The following COL27A1 variants were observed in gnomAD, a reference collection of about 807,000 sequenced individuals.
COL27A1 encodes the protein collagen alpha-1(XXVII) chain.
COL27A1 carries 106 observed loss-of-function variants against 251.3 expected under a neutral mutation model. The ratio of observed to expected loss-of-function variants is 0.42; its 90% CI spans 0.36 to 0.50. COL27A1 has a LOEUF of 0.50. Among genes scored for constraint, COL27A1 ranks in the 20% least tolerant of loss-of-function variants. The pLI is 0.00. For synonymous variants in COL27A1, 1,000 were observed against 986.3 expected, an observed-to-expected ratio of 1.01 and a Z score of -0.26; for missense variants, 2,325 against 2,522.8, an observed-to-expected ratio of 0.92 and a Z score of 1.68.
At chr9:114,167,660 C>A (rs775586585) in intron 2 of COL27A1, 29 bp from the exon 3 acceptor site, 3 of 1,573,716 alleles carry the variant, frequency 1.9e-6, no homozygotes, top group South Asian at 1.2e-5. Flanking sequence ...GCCCTGACTG[C>A]GTCCTCTCCC....
intron 3 of COL27A1, among the ~76,000 whole-genome samples, chr9:114,175,127 C>T (rs1827311508): frequency 3.3e-5 from 1 of 30,130 alleles, no homozygotes. Context: ...TGTCAGAGGC[C>T]AGGACCCTTG....
At chr9:114,171,121 G>A (rs1328262282) in intron 3 of COL27A1, among the ~76,000 whole-genome samples, 1 of 152,206 alleles carries the variant, frequency 6.6e-6, no homozygotes, top group Admixed American at 6.5e-5. Context: ...GGGTCAGCAG[G>A]AAGCGAGGCC....
chr9:114,252,685 G>A, intron 26 of COL27A1, 39 bp downstream of exon 26: 1 of 1,584,450 alleles, frequency 6.3e-7, no homozygotes, highest in Non-Finnish European at 8.7e-7. Context: ...CTCTCCTGTT[G>A]CAGCCTTGAG....
At chr9:114,167,664 C>A in intron 2 of COL27A1, 25 bp from the exon 3 acceptor site, 1 of 1,585,208 alleles carries the variant, frequency 6.3e-7, no homozygotes. Flanking sequence ...TGACTGCGTC[C>A]TCTCCCCTTT....
At position 114,290,837 on chromosome 9, in the gene COL27A1, G is replaced by A; in HGVS notation, c.4396G>A (p.Gly1466Ser). Reference sequence around the variant, plus strand: ...GGAGCAGGGAGACGATGGGGACCCTGGCCCCATGGGCCCTGCTGGGAAGAG... The same window carrying A: ...GGAGCAGGGAGACGATGGGGACCCTAGCCCCATGGGCCCTGCTGGGAAGAG... Reference protein sequence around the residue: ...QGEQGDDGDPGPMGPAGKRGN... With the variant: ...QGEQGDDGDPSPMGPAGKRGN... Residue 1466 changes from glycine to serine, a missense_variant, in exon 48 of 61, where the codon GGC (glycine) becomes AGC (serine). Transcript: ENST00000356083. The surrounding 1 kb of genome is among the most constrained non-coding windows in gnomAD (Gnocchi z 4.6). The A allele has an allele frequency of 6.4e-7, 1 of 1,551,260 alleles. No individual in the cohort carries two copies. Among genetic ancestry groups the A allele is most frequent in the Non-Finnish European group, 8.7e-7 (1 of 1,146,818 alleles).
At chr9:114,206,524 C>T (rs1182592283) in intron 10 of COL27A1, among the ~76,000 whole-genome samples, 2 of 152,240 alleles carry the variant, frequency 1.3e-5, no homozygotes, top group African/African-American at 2.4e-5. Flanking sequence ...AAAGACTCTG[C>T]TGGGGGTTTG....
intron 10 of COL27A1, among the ~76,000 whole-genome samples, chr9:114,208,267 G>A (rs752530782): frequency 6.2e-4 from 94 of 152,206 alleles, no homozygotes; most frequent in African/African-American, 1.6e-3. Flanking sequence ...GCGAAACCCC[G>A]TCTCTACTAA....
chr9:114,201,791 C>T (rs1017487509), intron 7 of COL27A1, among the ~76,000 whole-genome samples: 32 of 152,308 alleles, frequency 2.1e-4, no homozygotes, highest in African/African-American at 7.2e-4. Flanking sequence ...TGATGTGAAG[C>T]TTTCATCCCA....
chr9:114,178,208 G>A, intron 3 of COL27A1, 83 bp from the exon 4 acceptor site: 1 of 1,163,410 alleles, frequency 8.6e-7, no homozygotes, highest in Non-Finnish European at 1.3e-6. Flanking sequence ...ACAGCTGCAG[G>A]CGGGATTGTT....
chr9:114,256,810 G>T (rs1277145536), intron 27 of COL27A1, among the ~76,000 whole-genome samples: 2 of 152,178 alleles, frequency 1.3e-5, no homozygotes, highest in East Asian at 1.9e-4. Context: ...TGTGAGCCCG[G>T]GTTCTCCAGT....
At chr9:114,280,662 A>G (rs563043800) in intron 37 of COL27A1, among the ~76,000 whole-genome samples, 1 of 152,350 alleles carries the variant, frequency 6.6e-6, no homozygotes, top group African/African-American at 2.4e-5. Context: ...GAGAAAGAGC[A>G]GGATTTGTCC....
At chr9:114,226,786 G>A (rs1564492618) in intron 14 of COL27A1, among the ~76,000 whole-genome samples, 1 of 152,248 alleles carries the variant, frequency 6.6e-6, no homozygotes, top group Non-Finnish European at 1.5e-5. Flanking sequence ...TCAGAGCTGT[G>A]CCCTGTGCTA....
At chr9:114,211,130 C>G in intron 12 of COL27A1, 104 bp downstream of exon 12, 2 of 1,236,062 alleles carry the variant, frequency 1.6e-6, no homozygotes, top group Non-Finnish European at 2.4e-6. Context: ...TGCTTCTCCC[C>G]CTGCTTTGAG....
At chr9:114,265,215 T>C in intron 31 of COL27A1, 105 bp downstream of exon 31, 2 of 1,243,922 alleles carry the variant, frequency 1.6e-6, no homozygotes, top group South Asian at 1.3e-5. Context: ...CCTGTCCTTC[T>C]GTGGAAACCC....
intron 25 of COL27A1, 141 bp downstream of exon 25, chr9:114,250,809 A>G (rs1214082544): frequency 1.1e-5 from 8 of 711,702 alleles, no homozygotes; most frequent in Middle Eastern, 2.6e-4. Context: ...GAGTCTGCCA[A>G]GAGACATTGT....
intron 9 of COL27A1, 145 bp from the exon 10 acceptor site, chr9:114,206,107 G>A: frequency 1.2e-6 from 1 of 803,744 alleles, no homozygotes; most frequent in Non-Finnish European, 2.1e-6. Flanking sequence ...GGGCTGTGGG[G>A]GTCAGGCCAA....
At chr9:114,222,991 G>T (rs1831221703) in intron 14 of COL27A1, among the ~76,000 whole-genome samples, 1 of 152,194 alleles carries the variant, frequency 6.6e-6, no homozygotes, top group Non-Finnish European at 1.5e-5. Flanking sequence ...GAAATGCCCA[G>T]GACTGAGAGA....
chr9:114,300,028 C>T (rs749392174), intron 49 of COL27A1, 42 bp from the exon 50 acceptor site: 34 of 1,608,434 alleles, frequency 2.1e-5, no homozygotes, highest in Non-Finnish European at 2.7e-5. Flanking sequence ...GACACGCTGA[C>T]CATGAGCTCA....
chr9:114,158,941 C>G (rs1848308594), intron 1 of COL27A1, among the ~76,000 whole-genome samples: 1 of 152,222 alleles, frequency 6.6e-6, no homozygotes, highest in South Asian at 2.1e-4. Context: ...GTAACTTGCC[C>G]TCTCTGGGCC....
Sources: allele counts gnomAD v4.1 joint callset (sites outside exome capture counted in the v4.1 genomes callset), GRCh38; gene constraint gnomAD v4.1.1; non-coding constraint Gnocchi (gnomAD v3.1); transcripts MANE v1.5; gene names NCBI Gene and HGNC (gene_info 2026-07-23, HGNC 2026-07-21).